The following LIPC variants were observed in gnomAD, a reference collection of about 807,000 sequenced individuals.
LIPC encodes the protein lipase C, hepatic type.
A neutral mutation model predicts 50.7 loss-of-function variants in LIPC; 44 were observed. The ratio of observed to expected loss-of-function variants is 0.87; its 90% CI spans 0.68 to 1.11. The LOEUF is 1.11. Ranked by LOEUF, LIPC falls within the 50% of genes most tolerant of loss-of-function variation. LIPC has a pLI of 0.00. For missense variants in LIPC, 697 were observed against 648.2 expected (o/e 1.08, Z -0.82); for synonymous variants, 271 against 256.4 (o/e 1.06, Z -0.54).
chr15:58,517,702 T>C (rs1418412415), intron 1 of LIPC, among the ~76,000 whole-genome samples: 1 of 152,202 alleles, frequency 6.6e-6, no homozygotes, highest in African/African-American at 2.4e-5. Flanking sequence ...AAACTATTCT[T>C]GCATTGACAT....
At chr15:58,568,522 A>C (rs1200670275) in intron 8 of LIPC, among the ~76,000 whole-genome samples, 194 bp from the exon 9 acceptor site, 1 of 152,176 alleles carries the variant, frequency 6.6e-6, no homozygotes, top group African/African-American at 2.4e-5. Flanking sequence ...AGGAAGTCTT[A>C]CACTGATGGC....
chr15:58,482,153 A>C (rs1891210439), intron 1 of LIPC, among the ~76,000 whole-genome samples: 1 of 152,206 alleles, frequency 6.6e-6, no homozygotes, highest in African/African-American at 2.4e-5. Context: ...CAAAATCATG[A>C]AAGGTACAAA....
intron 1 of LIPC, among the ~76,000 whole-genome samples, chr15:58,489,636 T>A (rs1891514099): frequency 6.6e-6 from 1 of 152,150 alleles, no homozygotes; most frequent in Non-Finnish European, 1.5e-5. Context: ...GGCTCTACAA[T>A]AGTGATGTTA....
At chr15:58,543,270 T>C (rs1312408099) in intron 4 of LIPC, among the ~76,000 whole-genome samples, 2 of 151,860 alleles carry the variant, frequency 1.3e-5, no homozygotes, top group Non-Finnish European at 2.9e-5. Context: ...AACACACAGC[T>C]GGTGAGATTG....
intron 1 of LIPC, among the ~76,000 whole-genome samples, chr15:58,470,502 AT>A (rs36056895): frequency 6.6e-6 from 1 of 152,156 alleles, no homozygotes; most frequent in Non-Finnish European, 1.5e-5. Flanking sequence ...AAAATTACTC[AT>A]TTTATAAAAC....
intron 1 of LIPC, among the ~76,000 whole-genome samples, chr15:58,475,769 T>G (rs1380571414): frequency 6.6e-6 from 1 of 152,230 alleles, no homozygotes; most frequent in Non-Finnish European, 1.5e-5. Context: ...TCATGGCAAT[T>G]AGTCCCCATG....
chr15:58,472,198 G>A lies in LIPC; in HGVS notation c.88+40078G>A, dbSNP rs181369394. Among the ~76,000 whole-genome samples, 154 of 149,356 alleles carry A rather than the reference G, an allele frequency of 1.0e-3. 1 individual carries two copies. The highest frequency in any genetic ancestry group is 9.2e-4 in the Non-Finnish European group (62 of 67,678). On this transcript the variant is annotated intron_variant, in intron 1 of 8. Coordinates refer to ENST00000299022, the MANE Select transcript of LIPC (RefSeq NM_000236.3). The stretch of plus-strand genomic sequence containing the variant: ...AAGCAGGACAATCACTTGAACCTGG[G>A]AGGCAGAGGTTGCAATGAGCAAAGA...
At chr15:58,478,164 G>A (rs368145709) in intron 1 of LIPC, among the ~76,000 whole-genome samples, 12 of 152,126 alleles carry the variant, frequency 7.9e-5, no homozygotes, top group African/African-American at 2.7e-4. Flanking sequence ...TGAACTCTCA[G>A]AATAAATAAT....
chr15:58,438,378 C>A (rs114263429), intron 1 of LIPC, among the ~76,000 whole-genome samples: 78 of 152,250 alleles, frequency 5.1e-4, no homozygotes, highest in African/African-American at 1.8e-3. Context: ...ATTCTCACAG[C>A]CAGGAAGGTA....
chr15:58,480,598 A>G (rs533374500), intron 1 of LIPC, among the ~76,000 whole-genome samples: 1 of 152,316 alleles, frequency 6.6e-6, no homozygotes, highest in African/African-American at 2.4e-5. Context: ...TGCCCGGCCT[A>G]TAAGTTTCAT....
intron 1 of LIPC, chr15:58,522,554 T>G (rs1892688887): frequency 6.5e-6 from 1 of 152,880 alleles, no homozygotes; most frequent in Non-Finnish European, 1.5e-5. Flanking sequence ...TGTTCCATCC[T>G]GGCAAGCGGA....
chr15:58,456,351 A>T (rs1357987089), intron 1 of LIPC: 1 of 152,248 alleles, frequency 6.6e-6, no homozygotes, highest in Non-Finnish European at 1.5e-5. Flanking sequence ...GTGTGATAGT[A>T]TGATAGCTGA....
At chr15:58,534,240 T>C (rs1005330404) in intron 1 of LIPC, among the ~76,000 whole-genome samples, 3 of 152,186 alleles carry the variant, frequency 2.0e-5, no homozygotes, top group Admixed American at 1.3e-4. Context: ...GAGCTGGTGA[T>C]GTGCAAAGCT....
chr15:58,516,800 C>A (rs1418572139), intron 1 of LIPC, among the ~76,000 whole-genome samples: 1 of 152,120 alleles, frequency 6.6e-6, no homozygotes, highest in Non-Finnish European at 1.5e-5. Context: ...CCATCTATAA[C>A]AATTCTAGGT....
intron 1 of LIPC, among the ~76,000 whole-genome samples, chr15:58,527,754 G>A (rs58829990): frequency 0.037 from 5,569 of 152,212 alleles, 351 homozygotes; most frequent in African/African-American, 0.13. Flanking sequence ...CACATAGTAG[G>A]TGCTTAATAA....
At chr15:58,551,103 C>T (rs1893744062) in intron 6 of LIPC, among the ~76,000 whole-genome samples, 2 of 152,112 alleles carry the variant, frequency 1.3e-5, no homozygotes, top group Admixed American at 6.5e-5. Flanking sequence ...TCCCAAAGTG[C>T]TGGAATTACA....
chr15:58,438,062 G>A (rs1456562683), intron 1 of LIPC, among the ~76,000 whole-genome samples: 4 of 152,156 alleles, frequency 2.6e-5, no homozygotes, highest in Non-Finnish European at 5.9e-5. Context: ...TTGAAGGCAT[G>A]GGGTCTGTAA....
chr15:58,503,654 G>A (rs1208974675), intron 1 of LIPC, among the ~76,000 whole-genome samples: 8 of 152,224 alleles, frequency 5.3e-5, no homozygotes, highest in African/African-American at 1.9e-4. Context: ...GGGTTCCACT[G>A]GGCCGCACCA....
At position 58,438,611 on chromosome 15, in the gene LIPC, C is replaced by T. The variant is rs866926835; in HGVS notation, c.88+6491C>T. Among the ~76,000 whole-genome samples, 6 of 152,210 alleles carry T rather than the reference C, an allele frequency of 3.9e-5. No homozygotes were observed. The East Asian group carries it at 5.8e-4, about 15-fold the overall frequency. ...GAGGAGCCGCGGTAAGAAAGGCAGT[C>T]GGGTCTTACATTCAGGTACCTACTT... On this transcript the variant is annotated intron_variant, in intron 1 of 8. Coordinates refer to ENST00000299022, the MANE Select transcript of LIPC (RefSeq NM_000236.3).
Sources: gnomAD v4.1 joint callset for allele counts (sites outside exome capture counted in the v4.1 genomes callset) on GRCh38, gnomAD v4.1.1 for gene constraint, MANE v1.5 for transcripts, NCBI Gene and HGNC (gene_info 2026-07-23, HGNC 2026-07-21) for gene names.